Variants in ERBB4 observed in about 807,000 individuals in gnomAD.
ERBB4 encodes the protein erb-b2 receptor tyrosine kinase 4, also known as receptor tyrosine-protein kinase erbB-4.
A neutral mutation model predicts 158.0 loss-of-function variants in ERBB4; 42 were observed. That is an observed-to-expected ratio of 0.27 (90% CI 0.21 to 0.34). The LOEUF is 0.34. ERBB4 is among the 10% of genes least tolerant of loss of function. ERBB4 has a pLI of 1.00. For missense variants in ERBB4, 1,333 were observed against 1,624.1 expected, an observed-to-expected ratio of 0.82 and a Z score of 3.08; for synonymous variants, 583 against 558.7, an observed-to-expected ratio of 1.04 and a Z score of -0.61.
intron 1 of ERBB4, among the ~76,000 whole-genome samples, chr2:212,302,055 T>C (rs1012622976): frequency 1.3e-5 from 2 of 151,360 alleles, no homozygotes; most frequent in East Asian, 3.9e-4. Context: ...CATTAGCTAA[T>C]GTGGGGTAGT....
At chr2:212,228,417 A>C (rs1226737202) in intron 1 of ERBB4, among the ~76,000 whole-genome samples, 2 of 152,164 alleles carry the variant, frequency 1.3e-5, no homozygotes, top group Non-Finnish European at 2.9e-5. Flanking sequence ...AGAGTACAAT[A>C]CCATAGAGTG....
chr2:212,172,364 C>G (rs549743329), intron 1 of ERBB4, among the ~76,000 whole-genome samples: 2 of 152,198 alleles, frequency 1.3e-5, no homozygotes, highest in Admixed American at 1.3e-4. Context: ...GGTGATTCCT[C>G]AAAGACCTAG....
At chr2:211,487,819 T>C (rs1479349702) in intron 20 of ERBB4, among the ~76,000 whole-genome samples, 1 of 152,072 alleles carries the variant, frequency 6.6e-6, no homozygotes, top group Non-Finnish European at 1.5e-5. Context: ...GGAGAGGAGC[T>C]ACACAATAAC....
intron 3 of ERBB4, among the ~76,000 whole-genome samples, chr2:211,930,806 T>C (rs757825140): frequency 2.0e-5 from 3 of 152,118 alleles, no homozygotes; most frequent in Non-Finnish European, 4.4e-5. Flanking sequence ...GTAGGAGGGG[T>C]AAAAAATATA....
At chr2:212,193,573 G>GT (rs199713955) in intron 1 of ERBB4, among the ~76,000 whole-genome samples, 68 of 150,782 alleles carry the variant, frequency 4.5e-4, no homozygotes, top group East Asian at 1.2e-3. Flanking sequence ...AAACAGAAAG[G>GT]TTTTTTTTTA....
At chr2:211,607,598 T>G (rs2069030643) in intron 19 of ERBB4, among the ~76,000 whole-genome samples, 1 of 152,144 alleles carries the variant, frequency 6.6e-6, no homozygotes. Flanking sequence ...GTCTCATAAT[T>G]GTAATCCTCA....
At chr2:212,230,354 T>G (rs2083620734) in intron 1 of ERBB4, among the ~76,000 whole-genome samples, 1 of 152,112 alleles carries the variant, frequency 6.6e-6, no homozygotes, top group African/African-American at 2.4e-5. Flanking sequence ...AACTATTACT[T>G]TATCCATAAT....
chr2:212,187,081 A>T (rs762019832), intron 1 of ERBB4, among the ~76,000 whole-genome samples: 2 of 152,182 alleles, frequency 1.3e-5, no homozygotes, highest in African/African-American at 2.4e-5. Context: ...CCTAAGGTCA[A>T]ATACAGTTGG....
intron 3 of ERBB4, among the ~76,000 whole-genome samples, chr2:211,848,338 A>G (rs1411329907): frequency 6.6e-6 from 1 of 152,056 alleles, no homozygotes; most frequent in Non-Finnish European, 1.5e-5. Flanking sequence ...AAAACAAAAA[A>G]CTTGCAAGTA....
At chr2:212,356,518 A>G (rs1360657346) in intron 1 of ERBB4, among the ~76,000 whole-genome samples, 1 of 152,000 alleles carries the variant, frequency 6.6e-6, no homozygotes, top group Admixed American at 6.6e-5. Flanking sequence ...AGTAAGTATC[A>G]AAAATACATT....
intron 2 of ERBB4, among the ~76,000 whole-genome samples, chr2:212,040,593 C>G (rs1031179387): frequency 1.3e-5 from 2 of 152,152 alleles, no homozygotes; most frequent in Non-Finnish European, 2.9e-5. Flanking sequence ...ATCACTATTT[C>G]TAACTCGTCT....
At chr2:212,471,361 C>T (rs901676237) in intron 1 of ERBB4, among the ~76,000 whole-genome samples, 4 of 151,912 alleles carry the variant, frequency 2.6e-5, no homozygotes, top group Non-Finnish European at 5.9e-5. Context: ...CTTAAAATAT[C>T]CCTGCCAACT....
intron 1 of ERBB4, among the ~76,000 whole-genome samples, chr2:212,324,101 T>G (rs2087703853): frequency 6.6e-6 from 1 of 150,658 alleles, no homozygotes; most frequent in Non-Finnish European, 1.5e-5. Context: ...CCTCTCCTGC[T>G]GGATGTGAAA....
rs1046586961 is a variant in ERBB4, at chr2:211,678,991, A to T, written c.1622+61T>A. On this transcript the variant is annotated intron_variant, in intron 13 of 27. Transcript: ENST00000342788. ...CAAAAAAAAAAAAAAAAAAAAAAAA[A>T]TCAGAACTAATCAGTCCTTCAAAGC... 5.7e-6 allele frequency: 7 copies of T among 1,220,324 alleles called. No homozygotes were observed. The Admixed American group carries it at 7.0e-5, about 12-fold the overall frequency. 75.6% of individuals were successfully genotyped at this position (1,220,324 alleles called of 1,614,324 possible). A position where few individuals can be genotyped will look rare whatever the true frequency, so the allele number is the denominator to read the frequency against.
intron 1 of ERBB4, among the ~76,000 whole-genome samples, chr2:212,172,929 C>T (rs990190662): frequency 1.3e-5 from 2 of 151,902 alleles, no homozygotes; most frequent in African/African-American, 4.8e-5. Context: ...GCACATGTAT[C>T]CCTGAACTTA....
intron 1 of ERBB4, among the ~76,000 whole-genome samples, chr2:212,125,527 C>A (rs966411047): frequency 7.9e-5 from 12 of 152,114 alleles, no homozygotes; most frequent in Admixed American, 7.2e-4. Context: ...AGCTATTAAG[C>A]CTAGAACCCA....
intron 2 of ERBB4, among the ~76,000 whole-genome samples, chr2:212,096,729 G>A (rs149051102): frequency 3.3e-5 from 5 of 152,186 alleles, no homozygotes; most frequent in East Asian, 3.9e-4. Flanking sequence ...TTAGACCCTG[G>A]GAAACTAGGG....
intron 2 of ERBB4, among the ~76,000 whole-genome samples, chr2:211,951,869 T>C (rs983291925): frequency 6.6e-5 from 10 of 152,174 alleles, no homozygotes; most frequent in African/African-American, 1.7e-4. Flanking sequence ...ATGCTGAGAA[T>C]GCATGTCTAA....
intron 3 of ERBB4, among the ~76,000 whole-genome samples, chr2:211,793,167 T>C (rs191148027): frequency 1.2e-4 from 19 of 152,008 alleles, no homozygotes; most frequent in Admixed American, 7.2e-4. Flanking sequence ...TTTTCCAAAA[T>C]AAAGATTATA....
Sources: allele counts gnomAD v4.1 joint callset (sites outside exome capture counted in the v4.1 genomes callset), GRCh38; gene constraint gnomAD v4.1.1; transcripts MANE v1.5; gene names NCBI Gene and HGNC (gene_info 2026-07-23, HGNC 2026-07-21).